The following ROCK1 variants were observed in gnomAD, a reference collection of about 807,000 sequenced individuals.
The protein encoded by ROCK1 is rho-associated protein kinase 1.
Under a neutral mutation model 196.8 loss-of-function variants are expected in ROCK1, and 36 were observed. The ratio of observed to expected loss-of-function variants is 0.18; its 90% CI spans 0.14 to 0.24. The LOEUF is 0.24. Among genes scored for constraint, ROCK1 ranks in the 10% least tolerant of loss-of-function variants. The pLI is 1.00. For synonymous variants in ROCK1, 443 were observed against 515.9 expected (o/e 0.86, Z 1.91); for missense variants, 920 against 1,562.0 (o/e 0.59, Z 6.93).
chr18:21,040,112 G>A (rs1437072357), intron 8 of ROCK1, among the ~76,000 whole-genome samples: 3 of 152,236 alleles, frequency 2.0e-5, no homozygotes, highest in African/African-American at 7.2e-5. Context: ...CTTTTCTACT[G>A]ACAACAAAAA....
chr18:21,055,429 C>G (rs1399435076), intron 2 of ROCK1, among the ~76,000 whole-genome samples: 6 of 152,134 alleles, frequency 3.9e-5, no homozygotes, highest in Admixed American at 3.9e-4. Context: ...GGCTACTACC[C>G]TGAAACGAAC....
chr18:21,012,573 T>C (rs1334515354), intron 13 of ROCK1, among the ~76,000 whole-genome samples: 1 of 152,188 alleles, frequency 6.6e-6, no homozygotes, highest in South Asian at 2.1e-4. Flanking sequence ...TTTTTTGTCA[T>C]TAATTTTCAG....
At chr18:21,011,136 T>C (rs2035813495) in intron 13 of ROCK1, among the ~76,000 whole-genome samples, 1 of 152,214 alleles carries the variant, frequency 6.6e-6, no homozygotes, top group Non-Finnish European at 1.5e-5. Flanking sequence ...CCTCTTTTGA[T>C]TGGTATTCCA....
chr18:20,967,948 A>C lies in ROCK1; in HGVS notation c.3004-8T>G. 1 of 1,482,680 alleles carries C rather than the reference A, an allele frequency of 6.7e-7. No homozygotes were observed. The highest frequency in any genetic ancestry group is 9.1e-7 in the Non-Finnish European group (1 of 1,097,444). 91.8% of individuals were successfully genotyped at this position (1,482,680 alleles called of 1,614,324 possible). A position where few individuals can be genotyped will look rare whatever the true frequency, so the allele number is the denominator to read the frequency against. On this transcript the variant is annotated splice_region_variant and splice_polypyrimidine_tract_variant and intron_variant, in intron 25 of 32. Coordinates refer to ENST00000399799, the MANE Select transcript of ROCK1 (RefSeq NM_005406.3). The stretch of plus-strand genomic sequence containing the variant: ...TGCCAATTTGTTAACAGCCTATTAA[A>C]ATATTATTAATAAAGATCAATAGTG...
chr18:21,040,151 A>G (rs535859896), intron 8 of ROCK1, among the ~76,000 whole-genome samples: 1 of 152,384 alleles, frequency 6.6e-6, no homozygotes, highest in African/African-American at 2.4e-5. Flanking sequence ...TTACTTCATT[A>G]GCAAAATGAA....
intron 32 of ROCK1, among the ~76,000 whole-genome samples, chr18:20,952,706 T>A: frequency 6.8e-6 from 1 of 146,832 alleles, no homozygotes; most frequent in Non-Finnish European, 1.5e-5. Context: ...ACTTGGGAGG[T>A]GGAGGTTGCA....
intron 13 of ROCK1, among the ~76,000 whole-genome samples, chr18:21,009,085 T>C (rs1237920601): frequency 1.3e-5 from 2 of 151,962 alleles, no homozygotes; most frequent in African/African-American, 4.8e-5. Context: ...TGGCAACTAA[T>C]GGTTCTCCAT....
intron 1 of ROCK1, among the ~76,000 whole-genome samples, chr18:21,077,671 G>A (rs1046873117): frequency 2.6e-5 from 4 of 152,016 alleles, no homozygotes; most frequent in Non-Finnish European, 1.5e-5. Context: ...ATAAAAAGCC[G>A]TGTGAAGCCC....
chr18:21,108,698 C>A (rs770857284), intron 1 of ROCK1, among the ~76,000 whole-genome samples: 1 of 152,118 alleles, frequency 6.6e-6, no homozygotes, highest in South Asian at 2.1e-4. Flanking sequence ...CATTCTCATG[C>A]CCCAATTTTG....
At chr18:21,013,928 T>C (rs2035840311) in intron 13 of ROCK1, among the ~76,000 whole-genome samples, 2 of 152,050 alleles carry the variant, frequency 1.3e-5, no homozygotes, top group South Asian at 2.1e-4. Context: ...TAGCCAGGCA[T>C]GGTGGCGGGC....
intron 16 of ROCK1, among the ~76,000 whole-genome samples, chr18:20,998,333 C>T (rs1189286873): frequency 6.6e-6 from 1 of 152,086 alleles, no homozygotes; most frequent in Non-Finnish European, 1.5e-5. Flanking sequence ...TGAGCATCTA[C>T]ATCAAAAAGG....
At chr18:20,957,961 TAAAG>T (rs2035262061) in intron 29 of ROCK1, among the ~76,000 whole-genome samples, 1 of 152,198 alleles carries the variant, frequency 6.6e-6, no homozygotes, top group African/African-American at 2.4e-5. Flanking sequence ...GTGAGTTTTC[TAAAG>T]AAATACGATT....
chr18:21,059,888 T>C (rs2036274090), intron 2 of ROCK1, among the ~76,000 whole-genome samples: 2 of 152,220 alleles, frequency 1.3e-5, no homozygotes, highest in Non-Finnish European at 2.9e-5. Flanking sequence ...GGTATAACAC[T>C]ATGAACAATG....
chr18:21,098,534 C>A (rs1388064796), intron 1 of ROCK1, among the ~76,000 whole-genome samples: 1 of 149,226 alleles, frequency 6.7e-6, no homozygotes, highest in African/African-American at 2.5e-5. Flanking sequence ...AACTATGACT[C>A]AAAATTTTGA....
At chr18:21,051,440 C>T (rs1465372217) in intron 2 of ROCK1, among the ~76,000 whole-genome samples, 1 of 151,946 alleles carries the variant, frequency 6.6e-6, no homozygotes, top group South Asian at 2.1e-4. Context: ...GGCGACAGAG[C>T]GAAACTCTGT....
chr18:21,055,132 T>C (rs1265253834), intron 2 of ROCK1, among the ~76,000 whole-genome samples: 3 of 152,220 alleles, frequency 2.0e-5, no homozygotes, highest in Non-Finnish European at 4.4e-5. Context: ...TTACTTAGTT[T>C]GGCAAAACGA....
At chr18:21,109,071 A>G (rs927346524) in intron 1 of ROCK1, among the ~76,000 whole-genome samples, 1 of 152,156 alleles carries the variant, frequency 6.6e-6, no homozygotes, top group African/African-American at 2.4e-5. Flanking sequence ...TATAAAACAT[A>G]CTTTGGCTCT....
intron 1 of ROCK1, among the ~76,000 whole-genome samples, chr18:21,094,343 G>T (rs1209440194): frequency 6.6e-6 from 1 of 152,082 alleles, no homozygotes; most frequent in Non-Finnish European, 1.5e-5. Flanking sequence ...CCTAAAGAAT[G>T]GGAGAAAATA....
intron 9 of ROCK1, among the ~76,000 whole-genome samples, chr18:21,031,996 G>T (rs1421164081): frequency 6.6e-6 from 1 of 152,176 alleles, no homozygotes; most frequent in Non-Finnish European, 1.5e-5. Flanking sequence ...GCATCAACCA[G>T]ACCAACATAC....
Sources: gnomAD v4.1 joint callset for allele counts (sites outside exome capture counted in the v4.1 genomes callset) on GRCh38, gnomAD v4.1.1 for gene constraint, MANE v1.5 for transcripts, NCBI Gene and HGNC (gene_info 2026-07-23, HGNC 2026-07-21) for gene names.